Variants in CCDC198 observed in about 807,000 individuals in gnomAD.
CCDC198 encodes the protein factor associated with metabolism and energy.
In CCDC198, 18 loss-of-function variants were observed where a neutral mutation model predicts 35.6. The observed-to-expected ratio is 0.51, with a 90% confidence interval of 0.35 to 0.75. The LOEUF (loss-of-function observed/expected upper bound fraction) is 0.75. CCDC198 is among the 30% of genes least tolerant of loss of function. The probability of loss-of-function intolerance (pLI) is 0.01; values close to 1 mark genes in which losing one functional copy is unlikely to be tolerated. For synonymous variants in CCDC198, 119 were observed against 113.4 expected (o/e 1.05, Z -0.31); for missense variants, 365 against 343.7 (o/e 1.06, Z -0.49).
chr14:57,475,237 G>A (rs2066940901), intron 5 of CCDC198: 1 of 582,370 alleles, frequency 1.7e-6, no homozygotes, highest in Non-Finnish European at 2.2e-6. Context: ...CTCCAGCCTG[G>A]GCGACAGAGT....
Position 57,481,612 on chromosome 14 carries a change from T to C in CCDC198, c.442A>G (p.Arg148Gly). 1 of 1,612,728 alleles carries C rather than the reference T, an allele frequency of 6.2e-7. No individual in the cohort carries two copies. Among genetic ancestry groups the C allele is most frequent in the Non-Finnish European group, 8.5e-7 (1 of 1,179,514 alleles). The change falls in exon 4 of 6, where the codon AGA (arginine) becomes GGA (glycine). Residue 148 changes from arginine (R) to glycine (G), a missense_variant. Coordinates refer to ENST00000216445, the MANE Select transcript of CCDC198 (RefSeq NM_018168.4). ...ACTTGCATCTTATGCAAATATTGTCTGTTCTCAGAAGTATACATTGGAGTT... is the reference window on the plus strand; with the variant it reads ...ACTTGCATCTTATGCAAATATTGTCCGTTCTCAGAAGTATACATTGGAGTT... The part of the protein sequence containing the change: ...MQTPMYTSEN[R>G]QYLHKMQVLE...
At chr14:57,473,906 C>T (rs2066894449) in intron 5 of CCDC198, among the ~76,000 whole-genome samples, 1 of 152,164 alleles carries the variant, frequency 6.6e-6, no homozygotes, top group Admixed American at 6.5e-5. Context: ...CATCGTGTTC[C>T]TTCCCACTGC....
At chr14:57,484,472 G>C (rs1038024137) in intron 2 of CCDC198, among the ~76,000 whole-genome samples, 2 of 152,176 alleles carry the variant, frequency 1.3e-5, no homozygotes, top group African/African-American at 4.8e-5. Flanking sequence ...CAACCCTATG[G>C]ACACCTTGAT....
At position 57,471,609 on chromosome 14, in the gene CCDC198, T is replaced by A; in HGVS notation, c.656-19A>T. On this transcript the variant is annotated intron_variant, in intron 5 of 5. Transcript: ENST00000216445. ...GAATTTCCTACAAAAAAATTAAGTT[T>A]CTTTAATTTTTTCCCTTAGCAATGA... The A allele has an allele frequency of 7.2e-7, 1 of 1,397,924 alleles. No individual in the cohort carries two copies. Among genetic ancestry groups the A allele is most frequent in the Non-Finnish European group, 9.8e-7 (1 of 1,019,062 alleles). The allele number at this position is 1,397,924 out of a possible 1,614,324, so 86.6% of individuals were successfully genotyped here. A position where few individuals can be genotyped will look rare whatever the true frequency, so the allele number is the denominator to read the frequency against.
intron 2 of CCDC198, among the ~76,000 whole-genome samples, chr14:57,484,341 AAGAG>A (rs1341596044): frequency 6.6e-6 from 1 of 152,180 alleles, no homozygotes; most frequent in African/African-American, 2.4e-5. Context: ...TGTGAAGATG[AAGAG>A]AGAGGTTGGG....
chr14:57,480,219 A>C, intron 5 of CCDC198: 4 of 968,050 alleles, frequency 4.1e-6, no homozygotes, highest in South Asian at 4.8e-5. Flanking sequence ...ATATGGTACC[A>C]ACTCTGCTGA....
intron 2 of CCDC198, among the ~76,000 whole-genome samples, chr14:57,489,567 A>G (rs2067490905): frequency 6.6e-6 from 1 of 152,132 alleles, no homozygotes; most frequent in Non-Finnish European, 1.5e-5. Context: ...CACTGAAATA[A>G]TTCATTTGTC....
chr14:57,480,820 A>T (rs1277270735), intron 4 of CCDC198, 66 bp from the exon 5 acceptor site: 1 of 1,540,932 alleles, frequency 6.5e-7, no homozygotes, highest in East Asian at 2.2e-5. Flanking sequence ...CTAGATCAAC[A>T]GATCAGCCAC....
Position 57,480,520 on chromosome 14 carries a change from C to T in CCDC198, c.655+75G>A. The T allele has an allele frequency of 5.9e-6, 9 of 1,518,702 alleles. No homozygotes were observed. The South Asian group carries it at 9.7e-5, about 16-fold the overall frequency. 94.1% of individuals were successfully genotyped at this position (1,518,702 alleles called of 1,614,324 possible). A position where few individuals can be genotyped will look rare whatever the true frequency, so the allele number is the denominator to read the frequency against. On this transcript the variant is annotated intron_variant, in intron 5 of 5. Transcript: ENST00000216445. ...CTGTTTGCTGTCTTCTCATCATGTC[C>T]CTCCCTTGGTAGTTTATTTGATGAA... is the stretch of plus-strand genomic sequence containing the variant.
intron 1 of CCDC198, among the ~76,000 whole-genome samples, chr14:57,491,655 C>G (rs763209478): frequency 1.3e-5 from 2 of 152,044 alleles, no homozygotes; most frequent in Non-Finnish European, 2.9e-5. Flanking sequence ...GCTGGGGATA[C>G]AGAGTTAAGC....
rs114691953 is a variant in CCDC198, at chr14:57,476,115, C to A, written c.655+4480G>T. 8.2e-3 allele frequency among the ~76,000 whole-genome samples: 1,243 copies of A among 152,076 alleles called. 17 individuals are homozygous for A. The highest frequency in any genetic ancestry group is 0.029 in the African/African-American group (1,189 of 41,494). On this transcript the variant is annotated intron_variant, in intron 5 of 5. Transcript: ENST00000216445. Reference sequence around the variant, plus strand: ...ATGGCCTGTAAAGTGCCTGGCCACACTTTACATTTTATGTGTGCTTTTATA... The same window carrying A: ...ATGGCCTGTAAAGTGCCTGGCCACAATTTACATTTTATGTGTGCTTTTATA...
At chr14:57,475,209 A>C (rs371566524) in intron 5 of CCDC198, 19 of 340,300 alleles carry the variant, frequency 5.6e-5, no homozygotes, top group South Asian at 2.3e-4. Context: ...TGCAGTGTGC[A>C]GAGATTGTGC....
intron 5 of CCDC198, among the ~76,000 whole-genome samples, chr14:57,475,999 T>C (rs2066984956): frequency 6.6e-6 from 1 of 151,586 alleles, no homozygotes; most frequent in Non-Finnish European, 1.5e-5. Flanking sequence ...GACGGGGTTT[T>C]GCCATGTTGG....
intron 5 of CCDC198, among the ~76,000 whole-genome samples, chr14:57,474,600 T>C (rs2066913257): frequency 6.6e-6 from 1 of 152,244 alleles, no homozygotes. Flanking sequence ...AAGTATTACA[T>C]ACATAGTTTT....
chr14:57,471,167 CA>C lies in CCDC198; in HGVS notation c.*187del. 1.9e-6 allele frequency: 1 copy of C among 521,566 alleles called. No individual in the cohort carries two copies. The highest frequency in any genetic ancestry group is 3.4e-6 in the Non-Finnish European group (1 of 297,966). The allele number at this position is 521,566 out of a possible 1,614,324, so 32.3% of individuals were successfully genotyped here. A position where few individuals can be genotyped will look rare whatever the true frequency, so the allele number is the denominator to read the frequency against. Reference sequence around the variant, plus strand: ...CTTGGTTAGCCCCTGTGTTTTGAGGCATTTAGTTATGCAGCAATAGTTAACA... The same window carrying C: ...CTTGGTTAGCCCCTGTGTTTTGAGGCTTTAGTTATGCAGCAATAGTTAACA... On this transcript the variant is annotated 3_prime_UTR_variant, in exon 6 of 6. Coordinates refer to ENST00000216445, the MANE Select transcript of CCDC198 (RefSeq NM_018168.4).
intron 5 of CCDC198, chr14:57,479,151 C>A: frequency 1.4e-6 from 1 of 716,772 alleles, no homozygotes; most frequent in South Asian, 1.6e-5. Context: ...ACAATTTGGC[C>A]TGGCTGAAAT....
chr14:57,478,312 T>C, intron 5 of CCDC198: 1 of 253,960 alleles, frequency 3.9e-6, no homozygotes, highest in South Asian at 1.5e-4. Flanking sequence ...TGTGTGAGAG[T>C]GCAAGTCAAG....
chr14:57,480,972 G>T (rs2067163047), intron 4 of CCDC198, among the ~76,000 whole-genome samples: 2 of 152,204 alleles, frequency 1.3e-5, no homozygotes, highest in Admixed American at 6.5e-5. Flanking sequence ...TCTCAAAAAG[G>T]TATGGCTCAA....
intron 2 of CCDC198, among the ~76,000 whole-genome samples, chr14:57,484,603 T>G (rs561289009): frequency 6.6e-6 from 1 of 152,336 alleles, no homozygotes; most frequent in East Asian, 1.9e-4. Flanking sequence ...AGGGACTAAG[T>G]TGTGCCATAG....
Sources: allele counts gnomAD v4.1 joint callset (sites outside exome capture counted in the v4.1 genomes callset), GRCh38; gene constraint gnomAD v4.1.1; transcripts MANE v1.5; gene names NCBI Gene and HGNC (gene_info 2026-07-23, HGNC 2026-07-21).